CLYBL: variants seen among roughly 807,000 people sequenced by gnomAD.
CLYBL encodes citramalyl-CoA lyase, also known as citramalyl-CoA lyase, mitochondrial.
CLYBL carries 31 observed loss-of-function variants against 38.9 expected under a neutral mutation model. The observed-to-expected ratio is 0.80, with a 90% confidence interval of 0.60 to 1.08. CLYBL has a LOEUF of 1.08. Ranked by LOEUF, CLYBL falls within the 50% of genes least tolerant of loss-of-function variation. The probability of loss-of-function intolerance (pLI) is 0.00; values close to 1 mark genes in which losing one functional copy is unlikely to be tolerated. For missense variants in CLYBL, 434 were observed against 411.6 expected (o/e 1.05, Z -0.47); for synonymous variants, 171 against 158.6 (o/e 1.08, Z -0.59).
intron 3 of CLYBL, among the ~76,000 whole-genome samples, chr13:99,860,015 G>A (rs2051561099): frequency 2.0e-5 from 3 of 152,056 alleles, no homozygotes; most frequent in South Asian, 4.2e-4. Flanking sequence ...TAACACCTAC[G>A]AAACTGCTCA....
At chr13:99,669,141 A>G (rs925260188) in intron 1 of CLYBL, among the ~76,000 whole-genome samples, 1 of 152,018 alleles carries the variant, frequency 6.6e-6, no homozygotes, top group African/African-American at 2.4e-5. Flanking sequence ...AGCTGGAACT[A>G]CAGGCATGTG....
At chr13:99,899,225 G>A (rs1182363100), downstream of CLYBL, among the ~76,000 whole-genome samples, 6 of 152,156 alleles carry the variant, frequency 3.9e-5, no homozygotes, top group African/African-American at 9.7e-5. Context: ...TCCCCACCCC[G>A]CTGCCTTGCC....
At chr13:99,708,791 A>G (rs1192054874) in intron 1 of CLYBL, among the ~76,000 whole-genome samples, 1 of 152,120 alleles carries the variant, frequency 6.6e-6, no homozygotes, top group Non-Finnish European at 1.5e-5. Flanking sequence ...TGTAGATGTA[A>G]TTATTTAAGA....
At chr13:99,663,345 G>A (rs779383323) in intron 1 of CLYBL, among the ~76,000 whole-genome samples, 55 of 152,272 alleles carry the variant, frequency 3.6e-4, no homozygotes, top group Non-Finnish European at 4.3e-4. Flanking sequence ...GCCACTTTAC[G>A]TGGCTGAAGA....
intron 1 of CLYBL, among the ~76,000 whole-genome samples, chr13:99,613,342 A>AC (rs914691589): frequency 6.6e-6 from 1 of 152,190 alleles, no homozygotes; most frequent in African/African-American, 2.4e-5. Context: ...AGAGGCGACA[A>AC]CTACAAGCTA....
In CLYBL at chr13:99,616,951, G is replaced by A. The variant is rs1191008270; in HGVS notation, c.62+10194G>A. Among the ~76,000 whole-genome samples the A allele has an allele frequency of 5.9e-5, 9 of 151,654 alleles. 1 individual carries two copies. Among genetic ancestry groups the A allele is most frequent in the South Asian group, 4.2e-4 (2 of 4,810 alleles). On this transcript the variant is annotated intron_variant, in intron 1 of 8. Coordinates refer to ENST00000339105, the MANE Select transcript of CLYBL (RefSeq NM_206808.5). ...AGCCTGGGTGACAGAGCGCGACTCC[G>A]TCTCAATAATAATAATAATAGTAAT...
chr13:99,664,729 AAACAC>A (rs1002320581), intron 1 of CLYBL, among the ~76,000 whole-genome samples: 7 of 152,202 alleles, frequency 4.6e-5, no homozygotes, highest in African/African-American at 1.7e-4. Flanking sequence ...AATGGCTAGA[AAACAC>A]AACACAAATT....
At chr13:99,628,996 C>G (rs2046907068) in intron 1 of CLYBL, among the ~76,000 whole-genome samples, 1 of 152,218 alleles carries the variant, frequency 6.6e-6, no homozygotes. Flanking sequence ...GTGTTTTCAC[C>G]TTGAAACAGC....
intron 7 of CLYBL, among the ~76,000 whole-genome samples, chr13:99,875,436 C>T (rs1199756303): frequency 6.6e-6 from 1 of 152,128 alleles, no homozygotes; most frequent in Non-Finnish European, 1.5e-5. Flanking sequence ...ATTGAAAGCC[C>T]ATCATTTTCA....
At chr13:99,802,429 C>T (rs971583257) in intron 2 of CLYBL, among the ~76,000 whole-genome samples, 2 of 152,012 alleles carry the variant, frequency 1.3e-5, no homozygotes, top group Admixed American at 6.6e-5. Context: ...GAATGTAGCA[C>T]ATTTAGTTTG....
chr13:99,648,405 AT>A (rs1305202452), intron 1 of CLYBL, among the ~76,000 whole-genome samples: 30 of 152,342 alleles, frequency 2.0e-4, no homozygotes, highest in African/African-American at 7.2e-4. Flanking sequence ...AAGCAAAATG[AT>A]TATGGAATGC....
At chr13:99,812,332 A>G (rs1271513467) in intron 2 of CLYBL, among the ~76,000 whole-genome samples, 1 of 152,230 alleles carries the variant, frequency 6.6e-6, no homozygotes, top group Non-Finnish European at 1.5e-5. Context: ...GACTCAATAG[A>G]ACCCTTTGCA....
At chr13:99,877,327 C>T (rs577207555) in intron 7 of CLYBL, among the ~76,000 whole-genome samples, 74 of 152,242 alleles carry the variant, frequency 4.9e-4, no homozygotes, top group Non-Finnish European at 7.1e-4. Flanking sequence ...CTTTCCTCTT[C>T]CTGTATTTCT....
chr13:99,833,394 A>T (rs1483516060), intron 2 of CLYBL, among the ~76,000 whole-genome samples: 1 of 152,082 alleles, frequency 6.6e-6, no homozygotes, highest in Non-Finnish European at 1.5e-5. Flanking sequence ...AAGAAGGATT[A>T]AATAAGCCCT....
chr13:99,900,844 G>T (rs2052633944), downstream of CLYBL, among the ~76,000 whole-genome samples: 1 of 152,158 alleles, frequency 6.6e-6, no homozygotes, highest in Admixed American at 6.5e-5. Flanking sequence ...GACAGTGCCT[G>T]ACCCCAGCAA....
intron 1 of CLYBL, among the ~76,000 whole-genome samples, chr13:99,724,540 A>G (rs2048441375): frequency 6.6e-6 from 1 of 152,014 alleles, no homozygotes; most frequent in Admixed American, 6.6e-5. Flanking sequence ...AAGATGAAAA[A>G]AAAAAAAAGA....
intron 2 of CLYBL, among the ~76,000 whole-genome samples, chr13:99,801,982 C>T (rs962086549): frequency 1.4e-4 from 22 of 152,194 alleles, no homozygotes; most frequent in African/African-American, 5.1e-4. Context: ...CACCATTGCA[C>T]TCCAGCCTGG....
intron 1 of CLYBL, among the ~76,000 whole-genome samples, chr13:99,684,211 C>T (rs1244311498): frequency 9.0e-6 from 1 of 111,464 alleles, no homozygotes; most frequent in Non-Finnish European, 1.7e-5. Context: ...TTTTTTGAGA[C>T]AGATTCTCTT....
intron 2 of CLYBL, among the ~76,000 whole-genome samples, chr13:99,817,407 C>T (rs2050474345): frequency 6.6e-6 from 1 of 152,042 alleles, no homozygotes; most frequent in African/African-American, 2.4e-5. Context: ...GCCTGTAATC[C>T]CAGCACTTTG....
Sources: allele counts gnomAD v4.1 joint callset (sites outside exome capture counted in the v4.1 genomes callset), GRCh38; gene constraint gnomAD v4.1.1; transcripts MANE v1.5; gene names NCBI Gene and HGNC (gene_info 2026-07-23, HGNC 2026-07-21).